The following HERC3 variants were observed in gnomAD, a reference collection of about 807,000 sequenced individuals.
HERC3 encodes probable E3 ubiquitin-protein ligase HERC3.
HERC3 carries 58 observed loss-of-function variants against 129.9 expected under a neutral mutation model. That is an observed-to-expected ratio of 0.45 (90% CI 0.36 to 0.56). HERC3 has a LOEUF of 0.56. HERC3 is among the 20% of genes least tolerant of loss of function. The pLI is 0.00. For missense variants in HERC3, 835 were observed against 1,244.2 expected (o/e 0.67, Z 4.95); for synonymous variants, 430 against 451.0 (o/e 0.95, Z 0.59).
At chr4:88,682,507 G>A (rs572769191) in intron 21 of HERC3, among the ~76,000 whole-genome samples, 269 of 129,812 alleles carry the variant, frequency 2.1e-3, no homozygotes, top group African/African-American at 6.9e-3. Context: ...AGTGTGTGAT[G>A]TTCCGCTTCC....
chr4:88,668,021 T>C lies in HERC3; in HGVS notation c.1573T>C (p.Leu525=), dbSNP rs1224083624. The C allele has an allele frequency of 1.2e-6, 2 of 1,613,776 alleles. No homozygotes were observed. The highest frequency in any genetic ancestry group is 2.2e-5 in the South Asian group (2 of 91,068). The stretch of plus-strand genomic sequence containing the variant: ...CCAGGATTCCAAGTATTATATAACA[T>C]TGACTATTCCCTTGGCTATGGCCAT... ...LLQDSKYYIT[L]TIPLAMAILR... is the part of the protein sequence containing the mutation. Residue 525 remains leucine (L), a synonymous_variant, in exon 14 of 26, where the codon TTG becomes CTG. Transcript: ENST00000402738.
At chr4:88,528,760 C>A in the HERC3 span, among the ~76,000 whole-genome samples, 1 of 152,144 alleles carries the variant, frequency 6.6e-6, no homozygotes, top group African/African-American at 2.4e-5. Context: ...AAAAAATTAT[C>A]CAGTGATTTA....
At chr4:88,681,449 ATG>A in intron 21 of HERC3, 124 bp downstream of exon 21, 1 of 787,176 alleles carries the variant, frequency 1.3e-6, no homozygotes, top group Non-Finnish European at 2.0e-6. Context: ...AGACCCTGTT[ATG>A]TGTGTTTTGT....
the HERC3 span, among the ~76,000 whole-genome samples, chr4:88,577,869 A>G: frequency 6.6e-6 from 1 of 152,158 alleles, no homozygotes; most frequent in Admixed American, 6.5e-5. Context: ...CTATGAGTGA[A>G]CTTTAGAGCT....
chr4:88,605,301 A>G (rs982634736), intron 2 of HERC3, among the ~76,000 whole-genome samples: 1 of 152,132 alleles, frequency 6.6e-6, no homozygotes, highest in African/African-American at 2.4e-5. Flanking sequence ...TCTCATCTTC[A>G]CTTCAAGTGG....
chr4:88,692,437 G>C (rs1734168194), intron 23 of HERC3, among the ~76,000 whole-genome samples: 1 of 152,184 alleles, frequency 6.6e-6, no homozygotes, highest in South Asian at 2.1e-4. Context: ...GTGCTTCAAA[G>C]GGCATCTAGA....
chr4:88,551,654 G>A, the HERC3 span, among the ~76,000 whole-genome samples: 1 of 152,176 alleles, frequency 6.6e-6, no homozygotes, highest in African/African-American at 2.4e-5. Flanking sequence ...GAGAGGATGT[G>A]GAGAAATAAG....
intron 2 of HERC3, among the ~76,000 whole-genome samples, chr4:88,602,459 T>TCC (rs796862575): frequency 1.1e-4 from 17 of 150,516 alleles, no homozygotes; most frequent in African/African-American, 3.9e-4. Context: ...AATCTGAATG[T>TCC]CCTTAAGACC....
intron 3 of HERC3, among the ~76,000 whole-genome samples, chr4:88,627,442 T>C (rs1578195768): frequency 6.6e-6 from 1 of 152,156 alleles, no homozygotes; most frequent in East Asian, 1.9e-4. Context: ...TTGAAGTATA[T>C]AGGAGGATGT....
chr4:88,574,050 C>A, the HERC3 span, among the ~76,000 whole-genome samples: 6 of 152,176 alleles, frequency 3.9e-5, no homozygotes, highest in Non-Finnish European at 8.8e-5. Context: ...GTTTCCCTAT[C>A]CCCATCTTCC....
At chr4:88,526,887 A>G in the HERC3 span, among the ~76,000 whole-genome samples, 6 of 152,388 alleles carry the variant, frequency 3.9e-5, no homozygotes, top group East Asian at 1.2e-3. Flanking sequence ...AATTTTAATG[A>G]TGAGTTTATT....
the HERC3 span, among the ~76,000 whole-genome samples, chr4:88,534,628 G>T: frequency 6.6e-6 from 1 of 151,946 alleles, no homozygotes; most frequent in Non-Finnish European, 1.5e-5. Flanking sequence ...TGAAAGTTAT[G>T]AATGGAATTT....
chr4:88,649,376 G>C (rs1025952073), intron 3 of HERC3, among the ~76,000 whole-genome samples: 4 of 152,174 alleles, frequency 2.6e-5, no homozygotes, highest in Non-Finnish European at 5.9e-5. Flanking sequence ...ATCCAGAACT[G>C]AGGGGAGAAA....
intron 1 of HERC3, among the ~76,000 whole-genome samples, chr4:88,594,836 C>T (rs958937404): frequency 6.6e-6 from 1 of 152,216 alleles, no homozygotes; most frequent in Middle Eastern, 3.4e-3. Flanking sequence ...CGCAGTGGCT[C>T]ACACCTGTAA....
chr4:88,609,244 T>C (rs114090720), intron 3 of HERC3, among the ~76,000 whole-genome samples: 3,591 of 152,044 alleles, frequency 0.024, 157 homozygotes, highest in African/African-American at 0.081. Context: ...GATTGCATCA[T>C]TGCACTCCAG....
chr4:88,704,686 A>C, intron 25 of HERC3, 76 bp downstream of exon 25: 2 of 870,798 alleles, frequency 2.3e-6, no homozygotes, highest in East Asian at 5.1e-5. Context: ...CATGCTCCAC[A>C]GCTGAGGCTT....
intron 23 of HERC3, chr4:88,689,916 G>A: frequency 2.6e-6 from 2 of 781,024 alleles, no homozygotes; most frequent in East Asian, 1.3e-4. Context: ...AAGCTAGTAT[G>A]ATCTCATACA....
intron 19 of HERC3, 81 bp downstream of exon 19, chr4:88,678,215 T>A: frequency 7.8e-7 from 1 of 1,284,350 alleles, no homozygotes; most frequent in Non-Finnish European, 1.1e-6. Context: ...GTGATCTTAT[T>A]AAAATTGTGG....
Position 88,649,911 on chromosome 4 carries a change from A to G in HERC3, c.298A>G (p.Ser100Gly), listed in dbSNP as rs958419964. The G allele has an allele frequency of 6.2e-7, 1 of 1,614,072 alleles. No individual in the cohort carries two copies. Among genetic ancestry groups the G allele is most frequent in the South Asian group, 1.1e-5 (1 of 91,084 alleles). ...TGGCGAGTCCCACAGTCTGGCCCTC[A>G]GTGACCGAGGCCAGCTGTTTTCTTG... Reference protein sequence around the residue: ...ACGESHSLALSDRGQLFSWGA... With the variant: ...ACGESHSLALGDRGQLFSWGA... Residue 100 changes from serine (S) to glycine (G), a missense_variant, in exon 4 of 26, where the codon AGT becomes GGT. Transcript: ENST00000402738.
Sources: gnomAD v4.1 joint callset for allele counts (sites outside exome capture counted in the v4.1 genomes callset) on GRCh38, gnomAD v4.1.1 for gene constraint, MANE v1.5 for transcripts, NCBI Gene and HGNC (gene_info 2026-07-23, HGNC 2026-07-21) for gene names.